NFASC: variants seen among roughly 807,000 people sequenced by gnomAD.
NFASC encodes the protein neurofascin.
NFASC carries 43 observed loss-of-function variants against 147.5 expected under a neutral mutation model. That is an observed-to-expected ratio of 0.29 (90% CI 0.23 to 0.38). The LOEUF is 0.38. NFASC is among the 10% of genes least tolerant of loss of function. The pLI is 1.00. For synonymous variants in NFASC, 622 were observed against 665.5 expected (o/e 0.93, Z 1.01); for missense variants, 1,320 against 1,689.0 (o/e 0.78, Z 3.83).
chr1:204,976,726 G>A lies in NFASC; in HGVS notation c.1762G>A (p.Gly588Ser), dbSNP rs2095413672. The change falls in exon 16 of 30, where the codon GGC becomes AGC. Residue 588 changes from glycine (G) to serine (S), a missense_variant. Coordinates refer to ENST00000339876, the MANE Select transcript of NFASC (RefSeq NM_001005388.3). ...TIFGVAERDQ[G>S]SYTCVASTEL... ...CTTTGGGGTGGCAGAGCGGGACCAGGGCAGTTACACGTGTGTCGCCAGCAC... is the reference window on the plus strand; with the variant it reads ...CTTTGGGGTGGCAGAGCGGGACCAGAGCAGTTACACGTGTGTCGCCAGCAC... The A allele has an allele frequency of 6.2e-7, 1 of 1,614,032 alleles. No individual in the cohort carries two copies. The highest frequency in any genetic ancestry group is 1.7e-5 in the Admixed American group (1 of 60,014).
At chr1:204,925,395 A>G (rs536906549) in intron 2 of NFASC, among the ~76,000 whole-genome samples, 34 of 152,344 alleles carry the variant, frequency 2.2e-4, no homozygotes, top group African/African-American at 7.9e-4. Flanking sequence ...TGCAAGTCAC[A>G]TGTGCCAGCT....
chr1:204,858,393 G>T (rs80053032), intron 1 of NFASC, among the ~76,000 whole-genome samples: 2,534 of 152,288 alleles, frequency 0.017, 83 homozygotes, highest in African/African-American at 0.058. Flanking sequence ...GGAGGGGGAA[G>T]GGCATCTGGG....
At chr1:204,994,725 G>A (rs533445151) in intron 24 of NFASC, among the ~76,000 whole-genome samples, 5 of 152,246 alleles carry the variant, frequency 3.3e-5, no homozygotes, top group African/African-American at 9.6e-5. Flanking sequence ...GCTTGATCTC[G>A]GCTCACTGCA....
intron 25 of NFASC, chr1:204,997,640 C>T (rs138412042): frequency 5.0e-6 from 3 of 600,100 alleles, no homozygotes; most frequent in African/African-American, 3.7e-5. Flanking sequence ...GGGTGGTCCT[C>T]CACCACTCAG....
intron 1 of NFASC, among the ~76,000 whole-genome samples, chr1:204,913,164 C>T (rs1989373): frequency 0.43 from 66,003 of 151,876 alleles, 14,756 homozygotes; most frequent in Admixed American, 0.55. Flanking sequence ...TGTTCATAAT[C>T]TGTACAACAA....
chr1:204,850,643 GCT>G (rs1207883222), intron 1 of NFASC, among the ~76,000 whole-genome samples: 1 of 152,158 alleles, frequency 6.6e-6, no homozygotes, highest in East Asian at 1.9e-4. Flanking sequence ...TCCTTTGTGC[GCT>G]CTGTCTCCTG....
At chr1:204,864,747 T>C (rs1406299575) in intron 1 of NFASC, among the ~76,000 whole-genome samples, 1 of 152,210 alleles carries the variant, frequency 6.6e-6, no homozygotes, top group Admixed American at 6.5e-5. Flanking sequence ...TTGTGGTTAT[T>C]GTTGTTGGGT....
chr1:204,970,849 GA>G (rs1474613877), intron 11 of NFASC, 102 bp downstream of exon 11: 5 of 1,452,272 alleles, frequency 3.4e-6, no homozygotes, highest in Non-Finnish European at 4.7e-6. Context: ...AGAAGTTCAG[GA>G]AGAGAGAAGC....
At chr1:204,922,200 T>C (rs1427044420) in intron 2 of NFASC, among the ~76,000 whole-genome samples, 1 of 152,162 alleles carries the variant, frequency 6.6e-6, no homozygotes, top group East Asian at 1.9e-4. Flanking sequence ...CACTTTCCCA[T>C]GCACCCTTCC....
rs1257440107 is a variant in NFASC, at chr1:204,973,760, C to A, written c.1279+341C>A. Among the ~76,000 whole-genome samples the A allele has an allele frequency of 2.0e-5, 3 of 152,152 alleles. No individual in the cohort carries two copies. In the East Asian group the frequency reaches 5.8e-4, roughly 29 times the overall value. ...CCCTGATGAGATAGAGTGGGACTGT[C>A]CCATCGCCTTGGTGTATCCATGTTG... On this transcript the variant is annotated intron_variant, in intron 12 of 29. Transcript: ENST00000339876.
intron 1 of NFASC, among the ~76,000 whole-genome samples, chr1:204,863,490 T>C (rs1558514368): frequency 6.6e-6 from 1 of 152,200 alleles, no homozygotes; most frequent in African/African-American, 2.4e-5. Context: ...TTACATTTAG[T>C]ATATTCACAA....
chr1:204,919,188 C>G (rs1558098051), intron 1 of NFASC, among the ~76,000 whole-genome samples: 1 of 152,026 alleles, frequency 6.6e-6, no homozygotes, highest in Non-Finnish European at 1.5e-5. Flanking sequence ...CAACGCCTGG[C>G]TAATTTTTTG....
At chr1:204,961,589 A>G (rs2094672557) in intron 8 of NFASC, among the ~76,000 whole-genome samples, 1 of 152,248 alleles carries the variant, frequency 6.6e-6, no homozygotes, top group Non-Finnish European at 1.5e-5. Flanking sequence ...TCTTTTGGTC[A>G]ATGACCTCCT....
At chr1:204,876,546 A>G (rs1162138533) in intron 1 of NFASC, among the ~76,000 whole-genome samples, 1 of 152,154 alleles carries the variant, frequency 6.6e-6, no homozygotes, top group Non-Finnish European at 1.5e-5. Flanking sequence ...CACTACACCC[A>G]TCTTCAAAAC....
intron 11 of NFASC, among the ~76,000 whole-genome samples, chr1:204,972,440 A>G (rs541028485): frequency 1.3e-5 from 2 of 152,302 alleles, no homozygotes; most frequent in East Asian, 3.9e-4. Flanking sequence ...ATTCTTCCCC[A>G]TCTTACAGAA....
intron 12 of NFASC, 128 bp downstream of exon 12, chr1:204,973,547 T>C (rs900634489): frequency 2.5e-6 from 3 of 1,187,448 alleles, no homozygotes; most frequent in East Asian, 2.6e-5. Context: ...GGTAAGAGGA[T>C]GTTGGATAGG....
intron 2 of NFASC, among the ~76,000 whole-genome samples, chr1:204,937,134 C>G (rs955958006): frequency 2.0e-5 from 3 of 151,328 alleles, no homozygotes; most frequent in Non-Finnish European, 4.4e-5. Context: ...ACATCAATCA[C>G]TACTGTGGTT....
In NFASC at chr1:204,975,001, G is replaced by A. The variant is rs1280789217; in HGVS notation, c.1558+178G>A. ...ATCAGTGTGGTCCAAAGAGAATTAG[G>A]AAGGGAAACCTTCTGCTCACACCAA... On this transcript the variant is annotated intron_variant, in intron 14 of 29. Coordinates refer to ENST00000339876, the MANE Select transcript of NFASC (RefSeq NM_001005388.3). The surrounding 1 kb of genome is among the most constrained non-coding windows in gnomAD (Gnocchi z 4.0). Among the ~76,000 whole-genome samples, 1 of 152,196 alleles carries A rather than the reference G, an allele frequency of 6.6e-6. No individual in the cohort carries two copies. Among genetic ancestry groups the A allele is most frequent in the Non-Finnish European group, 1.5e-5 (1 of 68,036 alleles).
At chr1:204,853,013 T>G (rs1272485576) in intron 1 of NFASC, among the ~76,000 whole-genome samples, 2 of 152,134 alleles carry the variant, frequency 1.3e-5, no homozygotes, top group Admixed American at 1.3e-4. Flanking sequence ...CAATAGACAG[T>G]GTTCCCATGC....
Sources: allele counts gnomAD v4.1 joint callset (sites outside exome capture counted in the v4.1 genomes callset), GRCh38; gene constraint gnomAD v4.1.1; non-coding constraint Gnocchi (gnomAD v3.1); transcripts MANE v1.5; gene names NCBI Gene and HGNC (gene_info 2026-07-23, HGNC 2026-07-21).